FMN2: variants seen among roughly 807,000 people sequenced by gnomAD.
FMN2 encodes the protein formin-2.
A neutral mutation model predicts 142.3 loss-of-function variants in FMN2; 51 were observed. The observed-to-expected ratio is 0.36, with a 90% CI of 0.29 to 0.45. The LOEUF (loss-of-function observed/expected upper bound fraction) is 0.45. FMN2 is among the 20% of genes least tolerant of loss of function. The pLI is 1.00. For missense variants in FMN2, 1,936 were observed against 2,122.8 expected (o/e 0.91, Z 1.73); for synonymous variants, 882 against 869.8 (o/e 1.01, Z -0.25).
chr1:240,300,923 G>T, intron 8 of FMN2, among the ~76,000 whole-genome samples: 1 of 146,196 alleles, frequency 6.8e-6, no homozygotes. Flanking sequence ...AACTCCATCT[G>T]TGTACTTTCA....
At chr1:240,203,396 C>T (rs545393733) in intron 4 of FMN2, among the ~76,000 whole-genome samples, 9 of 152,238 alleles carry the variant, frequency 5.9e-5, no homozygotes, top group East Asian at 3.9e-4. Context: ...ATAGCAAAGA[C>T]GTGGAGTCAA....
chr1:240,456,602 A>G (rs142359334), intron 16 of FMN2, among the ~76,000 whole-genome samples: 93 of 152,278 alleles, frequency 6.1e-4, no homozygotes, highest in African/African-American at 2.1e-3. Context: ...GATTACAGGC[A>G]TGCGCCACCA....
chr1:240,371,036 T>A (rs1672849121), intron 14 of FMN2, among the ~76,000 whole-genome samples: 1 of 152,206 alleles, frequency 6.6e-6, no homozygotes, highest in African/African-American at 2.4e-5. Flanking sequence ...CCTCCTGGGT[T>A]CAGGCAATTC....
intron 15 of FMN2, among the ~76,000 whole-genome samples, 158 bp from the exon 16 acceptor site, chr1:240,437,903 T>G (rs548749374): frequency 1.3e-5 from 2 of 152,196 alleles, no homozygotes; most frequent in African/African-American, 4.8e-5. Context: ...CTCTTAACCT[T>G]AAACCATAAG....
chr1:240,311,347 A>T lies in FMN2; in HGVS notation c.4215+16464A>T, dbSNP rs527799045. Among the ~76,000 whole-genome samples, 430 of 152,300 alleles carry T rather than the reference A, an allele frequency of 2.8e-3. 2 individuals carry two copies. Among genetic ancestry groups the T allele is most frequent in the South Asian group, 0.017 (82 of 4,834 alleles). On this transcript the variant is annotated intron_variant, in intron 8 of 17. Coordinates refer to ENST00000319653, the MANE Select transcript of FMN2 (RefSeq NM_020066.5). ...TGTGTTCCCATAACTTCCTAGAGGA[A>T]TTTAATTGATTCATGTTTTAAGCAA...
chr1:240,248,371 A>ATT (rs397862602), intron 6 of FMN2, among the ~76,000 whole-genome samples: 2 of 65,826 alleles, frequency 3.0e-5, no homozygotes, highest in Non-Finnish European at 5.0e-5. Flanking sequence ...TGTTTTATGG[A>ATT]TTATATATAT....
intron 7 of FMN2, among the ~76,000 whole-genome samples, chr1:240,293,444 C>T (rs1669859235): frequency 1.3e-5 from 2 of 152,126 alleles, no homozygotes; most frequent in South Asian, 2.1e-4. Context: ...CTAGACTCTG[C>T]ACAAATTGAA....
intron 6 of FMN2, among the ~76,000 whole-genome samples, chr1:240,221,187 T>C (rs1667098095): frequency 6.6e-6 from 1 of 152,200 alleles, no homozygotes; most frequent in African/African-American, 2.4e-5. Flanking sequence ...TATGTGTGCA[T>C]GCGTCTTTAT....
chr1:240,133,969 C>T (rs1242709601), intron 2 of FMN2, among the ~76,000 whole-genome samples: 1 of 152,150 alleles, frequency 6.6e-6, no homozygotes, highest in East Asian at 1.9e-4. Context: ...GGATTCTAAT[C>T]CCATCTTCTC....
intron 3 of FMN2, among the ~76,000 whole-genome samples, chr1:240,187,129 G>C (rs958902610): frequency 2.6e-5 from 4 of 151,014 alleles, no homozygotes; most frequent in Non-Finnish European, 5.9e-5. Flanking sequence ...AATTAGCTGG[G>C]TGTGGTGGCG....
chr1:240,380,603 G>A (rs767420733), intron 14 of FMN2, among the ~76,000 whole-genome samples: 3 of 151,646 alleles, frequency 2.0e-5, no homozygotes, highest in South Asian at 4.2e-4. Flanking sequence ...TAAGAGGAAC[G>A]TTTATAGCAT....
At chr1:240,220,191 G>T (rs1211192500) in intron 6 of FMN2, among the ~76,000 whole-genome samples, 2 of 152,016 alleles carry the variant, frequency 1.3e-5, no homozygotes, top group Non-Finnish European at 2.9e-5. Flanking sequence ...TGTCCTAAGG[G>T]CACACAGGAA....
At chr1:240,406,035 G>GGAGTGGGGGAAGCGAAGGGAAGCAGCC (rs1674149395) in intron 15 of FMN2, among the ~76,000 whole-genome samples, 13 of 45,566 alleles carry the variant, frequency 2.9e-4, no homozygotes, top group Non-Finnish European at 3.9e-4. Flanking sequence ...GGGAAGCAGC[G>GGAGTGGGGGAAGCGAAGGGAAGCAGCC]TCAGGAGTCG....
rs370991582 is a variant in FMN2 at position 240,365,140 on chromosome 1, G to GGT, written c.4858+9232_4858+9233insGT. Among the ~76,000 whole-genome samples, 153 of 149,902 alleles carry GGT rather than the reference G, an allele frequency of 1.0e-3. 1 individual carries two copies. The highest frequency in any genetic ancestry group is 3.7e-3 in the African/African-American group (147 of 39,586). ...GGATAAGCATGTATGTGCATATATA[G>GGT]ATATAGATATATACACATATACATA... On this transcript the variant is annotated intron_variant, in intron 14 of 17. Coordinates refer to ENST00000319653, the MANE Select transcript of FMN2 (RefSeq NM_020066.5).
intron 14 of FMN2, among the ~76,000 whole-genome samples, chr1:240,384,732 G>T (rs1393649118): frequency 2.0e-5 from 3 of 152,140 alleles, no homozygotes; most frequent in Admixed American, 1.3e-4. Context: ...TCCATGAGTT[G>T]GAATCCTGTC....
chr1:240,271,577 C>T (rs1669018483), intron 7 of FMN2, among the ~76,000 whole-genome samples: 1 of 151,618 alleles, frequency 6.6e-6, no homozygotes, highest in Non-Finnish European at 1.5e-5. Flanking sequence ...TAAAAATGTA[C>T]TAAATGCTGT....
chr1:240,456,550 G>T (rs1404938157), intron 16 of FMN2, among the ~76,000 whole-genome samples: 1 of 152,278 alleles, frequency 6.6e-6, no homozygotes, highest in Middle Eastern at 3.4e-3. Flanking sequence ...TCTGCCTCCC[G>T]AGTTCAAGTG....
At chr1:240,224,080 G>A (rs1199462739) in intron 6 of FMN2, among the ~76,000 whole-genome samples, 2 of 152,098 alleles carry the variant, frequency 1.3e-5, no homozygotes, top group African/African-American at 4.8e-5. Context: ...ATGTTAGAGT[G>A]TTGATTTTAG....
intron 7 of FMN2, among the ~76,000 whole-genome samples, chr1:240,275,693 T>G (rs965046574): frequency 6.6e-6 from 1 of 152,162 alleles, no homozygotes; most frequent in Non-Finnish European, 1.5e-5. Flanking sequence ...GTTGAACTAA[T>G]TTACACTCTC....
Sources: allele counts gnomAD v4.1 joint callset (sites outside exome capture counted in the v4.1 genomes callset), GRCh38; gene constraint gnomAD v4.1.1; transcripts MANE v1.5; gene names NCBI Gene and HGNC (gene_info 2026-07-23, HGNC 2026-07-21).